The following MACROD2 variants were observed in gnomAD, a reference collection of about 807,000 sequenced individuals.
The protein encoded by MACROD2 is mono-ADP ribosylhydrolase 2, also known as ADP-ribose glycohydrolase MACROD2.
In MACROD2, 36 loss-of-function variants were observed where a neutral mutation model predicts 70.4. That is an observed-to-expected ratio of 0.51 (90% CI 0.39 to 0.68). The LOEUF is 0.68. MACROD2 is among the 30% of genes least tolerant of loss of function. The pLI is 0.00. For missense variants in MACROD2, 496 were observed against 538.4 expected (o/e 0.92, Z 0.78); for synonymous variants, 172 against 178.8 (o/e 0.96, Z 0.30).
intron 15 of MACROD2, among the ~76,000 whole-genome samples, chr20:16,031,321 G>C (rs1165917700): frequency 1.3e-5 from 2 of 152,138 alleles, no homozygotes; most frequent in Non-Finnish European, 2.9e-5. Context: ...AAAAGTTTGA[G>C]TATACTCACT....
intron 7 of MACROD2, among the ~76,000 whole-genome samples, chr20:15,460,747 A>G (rs1042688118): frequency 2.0e-5 from 3 of 151,888 alleles, no homozygotes; most frequent in Admixed American, 1.3e-4. Context: ...GACCTGACTG[A>G]CACAGCCCTG....
chr20:15,025,243 GTTAA>G (rs2075221047), intron 5 of MACROD2, among the ~76,000 whole-genome samples: 1 of 151,924 alleles, frequency 6.6e-6, no homozygotes, highest in African/African-American at 2.4e-5. Context: ...AAAGATTCTT[GTTAA>G]TGGGGGAGAG....
intron 5 of MACROD2, among the ~76,000 whole-genome samples, chr20:15,183,344 G>A (rs1038864696): frequency 2.0e-5 from 3 of 151,814 alleles, no homozygotes; most frequent in African/African-American, 7.3e-5. Flanking sequence ...AGACCAGCCT[G>A]GGCAACATAA....
At chr20:15,875,022 A>T (rs865856906) in intron 9 of MACROD2, among the ~76,000 whole-genome samples, 28 of 152,282 alleles carry the variant, frequency 1.8e-4, no homozygotes, top group African/African-American at 6.0e-4. Context: ...GCTGGCTTTG[A>T]AGATGGAGGA....
At chr20:14,542,764 G>A (rs1250658008) in intron 4 of MACROD2, among the ~76,000 whole-genome samples, 3 of 152,030 alleles carry the variant, frequency 2.0e-5, no homozygotes, top group East Asian at 1.9e-4. Flanking sequence ...CCAGGTAGTG[G>A]GTACATCGGA....
intron 3 of MACROD2, among the ~76,000 whole-genome samples, chr20:14,390,226 A>G (rs1414187507): frequency 1.3e-5 from 2 of 152,170 alleles, no homozygotes; most frequent in African/African-American, 4.8e-5. Flanking sequence ...AGTATAAACC[A>G]TTGCTCAAAG....
chr20:16,047,682 AC>A (rs11474995), intron 17 of MACROD2, among the ~76,000 whole-genome samples: 136,492 of 152,218 alleles, frequency 0.9, 61,312 homozygotes, highest in East Asian at 0.96. Context: ...AGCAGGTACC[AC>A]CCTCAAGCAG....
At chr20:15,874,638 T>C (rs752914366) in intron 9 of MACROD2, among the ~76,000 whole-genome samples, 29 of 152,152 alleles carry the variant, frequency 1.9e-4, no homozygotes, top group Non-Finnish European at 4.3e-4. Context: ...CTCATTGTGG[T>C]TTCAATTTGC....
At chr20:15,735,096 G>A (rs758419958) in intron 8 of MACROD2, among the ~76,000 whole-genome samples, 3 of 152,062 alleles carry the variant, frequency 2.0e-5, no homozygotes, top group Non-Finnish European at 1.5e-5. Context: ...AAGTAGCTGC[G>A]ATTACAGGTG....
At chr20:14,041,639 T>C (rs928124968) in intron 2 of MACROD2, among the ~76,000 whole-genome samples, 2 of 152,156 alleles carry the variant, frequency 1.3e-5, no homozygotes, top group African/African-American at 4.8e-5. Flanking sequence ...AAACCATTAG[T>C]ATTGAACAGC....
chr20:14,287,843 G>A (rs1377171406), intron 3 of MACROD2, among the ~76,000 whole-genome samples: 1 of 152,132 alleles, frequency 6.6e-6, no homozygotes, highest in Non-Finnish European at 1.5e-5. Flanking sequence ...GGCTCTTAGA[G>A]ATCACCCTCA....
At chr20:15,074,943 A>G (rs1430472048) in intron 5 of MACROD2, among the ~76,000 whole-genome samples, 3 of 152,186 alleles carry the variant, frequency 2.0e-5, no homozygotes, top group Non-Finnish European at 2.9e-5. Context: ...CCAACTCACA[A>G]AAGAAAAGAG....
At chr20:14,168,293 T>C (rs987216670) in intron 3 of MACROD2, among the ~76,000 whole-genome samples, 1 of 152,236 alleles carries the variant, frequency 6.6e-6, no homozygotes. Flanking sequence ...GATATTATTG[T>C]CAATTCAAAG....
At chr20:14,944,198 GGAA>G (rs562672783) in intron 5 of MACROD2, among the ~76,000 whole-genome samples, 195 of 152,202 alleles carry the variant, frequency 1.3e-3, no homozygotes, top group African/African-American at 4.2e-3. Context: ...AAGTGGAAGA[GGAA>G]GAAGAAGAAG....
At chr20:14,303,627 C>G (rs2082495262) in intron 3 of MACROD2, among the ~76,000 whole-genome samples, 1 of 152,152 alleles carries the variant, frequency 6.6e-6, no homozygotes, top group African/African-American at 2.4e-5. Flanking sequence ...TTCAGCTGAC[C>G]CGTTTCCTTT....
chr20:14,684,002 G>A lies in MACROD2; in HGVS notation c.302-841G>A, dbSNP rs915959433. 1.3e-4 allele frequency among the ~76,000 whole-genome samples: 19 copies of A among 152,000 alleles called. 1 individual carries two copies. In the South Asian group the frequency reaches 2.9e-3, roughly 23 times the overall value. ...CACACAGAGAACTTTAATTTCCAGC[G>A]ACATCAAATTTGTGCTCTCAAAAGG... On this transcript the variant is annotated intron_variant, in intron 4 of 17. Coordinates refer to ENST00000684519, the MANE Select transcript of MACROD2 (RefSeq NM_001351661.2).
intron 8 of MACROD2, among the ~76,000 whole-genome samples, chr20:15,639,071 G>A (rs909545638): frequency 7.9e-5 from 12 of 152,072 alleles, no homozygotes; most frequent in African/African-American, 2.2e-4. Context: ...GGCTTATCTC[G>A]GGCTGCATTG....
intron 8 of MACROD2, among the ~76,000 whole-genome samples, chr20:15,700,814 A>G (rs2050446758): frequency 1.3e-5 from 2 of 152,338 alleles, no homozygotes; most frequent in Admixed American, 1.3e-4. Flanking sequence ...TAATTTTGTG[A>G]TCCCAAATAC....
chr20:15,881,627 T>G (rs1601049501), intron 9 of MACROD2, among the ~76,000 whole-genome samples: 1 of 152,134 alleles, frequency 6.6e-6, no homozygotes, highest in African/African-American at 2.4e-5. Context: ...CAATGGCTGG[T>G]TATTGTTTAA....
Sources: allele counts gnomAD v4.1 joint callset (sites outside exome capture counted in the v4.1 genomes callset), GRCh38; gene constraint gnomAD v4.1.1; transcripts MANE v1.5; gene names NCBI Gene and HGNC (gene_info 2026-07-23, HGNC 2026-07-21).